The following MTUS1 variants were observed in gnomAD, a reference collection of about 807,000 sequenced individuals.
The protein encoded by MTUS1 is microtubule associated scaffold protein 1, also known as microtubule-associated tumor suppressor 1.
MTUS1 carries 109 observed loss-of-function variants against 120.8 expected under a neutral mutation model. That is an observed-to-expected ratio of 0.90 (90% CI 0.77 to 1.06). The LOEUF is 1.06. Ranked by LOEUF, MTUS1 falls within the 50% of genes least tolerant of loss-of-function variation. The pLI is 0.00. For missense variants in MTUS1, 2,210 were observed against 1,486.3 expected (o/e 1.49, Z -8.01); for synonymous variants, 737 against 550.5 (o/e 1.34, Z -4.74).
intron 1 of MTUS1, among the ~76,000 whole-genome samples, chr8:17,758,967 C>T (rs904378566): frequency 2.0e-4 from 30 of 152,160 alleles, no homozygotes; most frequent in East Asian, 3.9e-4. Context: ...CTGCAACGTC[C>T]GCCTCCCGGG....
chr8:17,656,954 G>T (rs980787338), intron 8 of MTUS1, among the ~76,000 whole-genome samples: 1 of 149,856 alleles, frequency 6.7e-6, no homozygotes, highest in African/African-American at 2.5e-5. Context: ...AGCTACTCGG[G>T]AAGTTGAGGC....
At chr8:17,762,313 G>A (rs1304071715) in intron 1 of MTUS1, among the ~76,000 whole-genome samples, 1 of 152,016 alleles carries the variant, frequency 6.6e-6, no homozygotes, top group Non-Finnish European at 1.5e-5. Context: ...AAATTAAGCA[G>A]CTGAACAAAA....
intron 10 of MTUS1, 172 bp from the exon 11 acceptor site, chr8:17,653,670 G>T (rs1281180869): frequency 5.3e-6 from 3 of 565,864 alleles, no homozygotes; most frequent in African/African-American, 1.9e-5. Flanking sequence ...ATGGCCTTGA[G>T]AGGTGGTTAG....
At chr8:17,718,809 C>A (rs990349989) in intron 4 of MTUS1, among the ~76,000 whole-genome samples, 1 of 151,394 alleles carries the variant, frequency 6.6e-6, no homozygotes, top group African/African-American at 2.4e-5. Context: ...GCTGGTGAGT[C>A]TAAAAGGAAA....
rs780921535 is a variant in MTUS1 at position 17,754,289 on chromosome 8, A to G, written c.1519T>C (p.Phe507Leu). Reference sequence around the variant, plus strand: ...ATAACTTTTGCTTTGACATTCTTGAAGTTTGGTCTTGGGTAACTTATAATT... The same window carrying G: ...ATAACTTTTGCTTTGACATTCTTGAGGTTTGGTCTTGGGTAACTTATAATT... ...TEIISYPRPN[F>L]KNVKAKVMSR... is the part of the protein sequence containing the mutation. The change falls in exon 2 of 15, where the codon TTC becomes CTC. Residue 507 changes from phenylalanine (F) to leucine (L), a missense_variant. Coordinates refer to ENST00000693296, the MANE Select transcript of MTUS1 (RefSeq NM_001363059.2). 1.9e-6 allele frequency: 3 copies of G among 1,613,998 alleles called. No individual in the cohort carries two copies. In the South Asian group the frequency reaches 3.3e-5, roughly 18 times the overall value.
intron 6 of MTUS1, among the ~76,000 whole-genome samples, chr8:17,692,466 G>A (rs1014664845): frequency 6.6e-6 from 1 of 152,154 alleles, no homozygotes; most frequent in Non-Finnish European, 1.5e-5. Context: ...TTTTCTTCAG[G>A]TGAGACAAGT....
rs775824021 is a variant in MTUS1, at chr8:17,754,316, C to A, written c.1492G>T (p.Glu498Ter). The change falls in exon 2 of 15, where the codon GAA becomes TAA. Residue 498 changes from glutamate (E) to a stop codon, truncating the protein, a stop_gained. Coordinates refer to ENST00000693296, the MANE Select transcript of MTUS1 (RefSeq NM_001363059.2). LOFTEE classifies it high-confidence loss of function. Reference protein sequence around the residue: ...TPIGCKVRKTEIISYPRPNFK... With the variant: ...TPIGCKVRKT ...TTTGGTCTTGGGTAACTTATAATTT[C>A]AGTTTTTCTAACTTTGCAGCCTATT... 1.5e-5 allele frequency: 25 copies of A among 1,613,958 alleles called. No homozygotes were observed. The highest frequency in any genetic ancestry group is 1.9e-5 in the Non-Finnish European group (23 of 1,180,026).
At chr8:17,726,857 A>C (rs1207084045) in intron 3 of MTUS1, among the ~76,000 whole-genome samples, 1 of 152,220 alleles carries the variant, frequency 6.6e-6, no homozygotes, top group Non-Finnish European at 1.5e-5. Context: ...GATCAAAATG[A>C]CTGGGCCACA....
intron 6 of MTUS1, among the ~76,000 whole-genome samples, chr8:17,711,085 C>T (rs1371579326): frequency 2.0e-5 from 3 of 152,110 alleles, no homozygotes; most frequent in African/African-American, 7.2e-5. Context: ...TTATAGAGCA[C>T]AGGCAGAGTA....
chr8:17,799,746 A>C (rs2052530993), intron 1 of MTUS1, among the ~76,000 whole-genome samples: 2 of 152,192 alleles, frequency 1.3e-5, no homozygotes, highest in Admixed American at 6.5e-5. Context: ...CAGATTTACC[A>C]AGAATTATTT....
At chr8:17,799,597 G>C (rs58353282) in intron 1 of MTUS1, among the ~76,000 whole-genome samples, 5,971 of 152,090 alleles carry the variant, frequency 0.039, 395 homozygotes, top group African/African-American at 0.14. Flanking sequence ...TTAAATGCTT[G>C]AGTGTAATAA....
At chr8:17,687,090 T>G (rs1815970922) in intron 6 of MTUS1, among the ~76,000 whole-genome samples, 1 of 152,098 alleles carries the variant, frequency 6.6e-6, no homozygotes, top group Non-Finnish European at 1.5e-5. Context: ...AGCTTTATGA[T>G]TAAGGAGGAA....
In MTUS1 at chr8:17,647,228, A is replaced by G. The variant is rs1806006350; in HGVS notation, c.3502-149T>C. On this transcript the variant is annotated intron_variant, in intron 13 of 14. Transcript: ENST00000693296. ...AAAATATTTATACACTAACAAACAT[A>G]CTGAAAAAGATTTTAAAACAGCAAA... The G allele has an allele frequency of 1.2e-5, 7 of 596,610 alleles. No homozygotes were observed. The Admixed American group carries it at 2.3e-4, about 19-fold the overall frequency. 37.0% of individuals were successfully genotyped at this position (596,610 alleles called of 1,614,324 possible). A position where few individuals can be genotyped will look rare whatever the true frequency, so the allele number is the denominator to read the frequency against.
chr8:17,753,814 T>C lies in MTUS1; in HGVS notation c.1994A>G (p.Glu665Gly). ...YVPNIDRISPEKKGEKENGTS... is the reference protein window; with the variant it reads ...YVPNIDRISPGKKGEKENGTS... ...CCCATTTTCTTTTTCACCCTTCTTT[T>C]CAGGGCTAATCCTATCAATGTTGGG... The change falls in exon 2 of 15, where the codon GAA (glutamate) becomes GGA (glycine). Residue 665 changes from glutamate (E) to glycine (G), a missense_variant. Transcript: ENST00000693296. The C allele has an allele frequency of 8.1e-6, 13 of 1,614,058 alleles. No homozygotes were observed. The highest frequency in any genetic ancestry group is 1.7e-5 in the Admixed American group (1 of 60,000).
chr8:17,779,851 G>A (rs1406849610), intron 1 of MTUS1, among the ~76,000 whole-genome samples: 5 of 152,248 alleles, frequency 3.3e-5, no homozygotes, highest in Admixed American at 1.3e-4. Flanking sequence ...AATACACTCC[G>A]ATAACAATTC....
intron 3 of MTUS1, among the ~76,000 whole-genome samples, chr8:17,740,086 A>G (rs1004819601): frequency 6.6e-6 from 1 of 151,976 alleles, no homozygotes; most frequent in African/African-American, 2.4e-5. Context: ...GGGTGCCTGT[A>G]AATCCCAGCT....
intron 8 of MTUS1, among the ~76,000 whole-genome samples, chr8:17,665,701 C>A (rs114246613): frequency 1.3e-5 from 2 of 152,150 alleles, no homozygotes; most frequent in African/African-American, 4.8e-5. Context: ...CACAGAACAC[C>A]CAGCGGGATC....
At chr8:17,782,019 T>G (rs2131528737) in intron 1 of MTUS1, among the ~76,000 whole-genome samples, 1 of 152,362 alleles carries the variant, frequency 6.6e-6, no homozygotes, top group East Asian at 1.9e-4. Context: ...GGCCCTCGGT[T>G]GGCCAGACCC....
chr8:17,746,247 C>T (rs894157176), intron 2 of MTUS1, among the ~76,000 whole-genome samples: 4 of 152,198 alleles, frequency 2.6e-5, no homozygotes, highest in Admixed American at 2.0e-4. Flanking sequence ...GCCACGTGTA[C>T]ACTGGTACAT....
Sources: gnomAD v4.1 joint callset for allele counts (sites outside exome capture counted in the v4.1 genomes callset) on GRCh38, gnomAD v4.1.1 for gene constraint, MANE v1.5 for transcripts, NCBI Gene and HGNC (gene_info 2026-07-23, HGNC 2026-07-21) for gene names.